Variants in DPP10 observed in about 807,000 individuals in gnomAD.
The protein encoded by DPP10 is inactive dipeptidyl peptidase 10.
DPP10 carries 33 observed loss-of-function variants against 120.9 expected under a neutral mutation model. The ratio of observed to expected loss-of-function variants is 0.27; its 90% CI spans 0.21 to 0.37. DPP10 has a LOEUF of 0.37. Ranked by LOEUF, DPP10 falls within the 10% of genes least tolerant of loss-of-function variation. DPP10 has a pLI of 1.00. For synonymous variants in DPP10, 337 were observed against 326.1 expected (o/e 1.03, Z -0.36); for missense variants, 816 against 942.8 (o/e 0.87, Z 1.76).
chr2:115,554,483 A>T (rs12471022), intron 5 of DPP10, among the ~76,000 whole-genome samples: 2,301 of 152,186 alleles, frequency 0.015, 103 homozygotes, highest in Admixed American at 0.096. Context: ...GGGTAGATGC[A>T]CTAAATAAAT....
At chr2:115,372,867 C>G (rs1164309468) in intron 3 of DPP10, among the ~76,000 whole-genome samples, 1 of 152,098 alleles carries the variant, frequency 6.6e-6, no homozygotes, top group East Asian at 1.9e-4. Context: ...TGACTTTATG[C>G]CAATTATTTA....
chr2:115,842,282 C>A lies in DPP10; in HGVS notation c.2328C>A (p.Phe776Leu), dbSNP rs140093297. The change falls in exon 26 of 26, where the codon TTC becomes TTA. Residue 776 changes from phenylalanine to leucine, a missense_variant. Coordinates refer to ENST00000410059, the MANE Select transcript of DPP10 (RefSeq NM_020868.6). Reference protein sequence around the residue: ...KYHLYSTILKFFSDCLKEEIS... With the variant: ...KYHLYSTILKLFSDCLKEEIS... ...ATCTCTACAGCACAATCCTCAAATT[C>A]TTCAGTGATTGTTTGAAGGAAGAAA... The A allele has an allele frequency of 3.7e-6, 6 of 1,613,834 alleles. No homozygotes were observed. In the African/African-American group the frequency reaches 6.7e-5, roughly 18 times the overall value.
intron 2 of DPP10, among the ~76,000 whole-genome samples, chr2:115,340,178 T>C (rs1312465487): frequency 1.3e-5 from 2 of 152,164 alleles, no homozygotes; most frequent in East Asian, 3.8e-4. Context: ...GTAATATGTT[T>C]ACAGATGCTA....
chr2:114,519,518 C>T (rs868172716), intron 1 of DPP10, among the ~76,000 whole-genome samples: 1 of 152,226 alleles, frequency 6.6e-6, no homozygotes, highest in Non-Finnish European at 1.5e-5. Flanking sequence ...ATTTCCAGTC[C>T]TGCACACCCT....
rs371946105 is a variant in DPP10 at position 115,272,931 on chromosome 2, A to G, written c.61-36308A>G. Among the ~76,000 whole-genome samples, 19 of 152,344 alleles carry G rather than the reference A, an allele frequency of 1.2e-4. No individual in the cohort carries two copies. In the East Asian group the frequency reaches 2.1e-3, roughly 17 times the overall value. On this transcript the variant is annotated intron_variant, in intron 1 of 25. Coordinates refer to ENST00000410059, the MANE Select transcript of DPP10 (RefSeq NM_020868.6). The stretch of plus-strand genomic sequence containing the variant: ...GCTTCATAATCCAAACATTACTTCA[A>G]TCAGATGTGAAGAGTGGGTTTGCTG...
intron 5 of DPP10, among the ~76,000 whole-genome samples, chr2:115,541,020 A>G (rs934898940): frequency 2.6e-5 from 4 of 151,864 alleles, no homozygotes; most frequent in Admixed American, 2.0e-4. Flanking sequence ...TATTGAAGGG[A>G]TGCAAAATAC....
chr2:115,254,905 T>C (rs1307629170), intron 1 of DPP10, among the ~76,000 whole-genome samples: 1 of 152,148 alleles, frequency 6.6e-6, no homozygotes, highest in Non-Finnish European at 1.5e-5. Context: ...TCCGGCTGCT[T>C]TCATGGGCTG....
intron 3 of DPP10, among the ~76,000 whole-genome samples, chr2:115,394,004 A>G (rs570956950): frequency 5.9e-5 from 9 of 152,218 alleles, no homozygotes; most frequent in Non-Finnish European, 1.0e-4. Flanking sequence ...GATTGGTGCC[A>G]TGAAGTGAGA....
rs113258623 is a variant in DPP10, at chr2:114,602,932, C to T, written c.60+160094C>T. 9.9e-3 allele frequency among the ~76,000 whole-genome samples: 1,505 copies of T among 152,002 alleles called. 34 individuals carry two copies. Among genetic ancestry groups the T allele is most frequent in the African/African-American group, 0.034 (1,430 of 41,470 alleles). Reference sequence around the variant, plus strand: ...ATTTGAGTTTGGAGTTGATTCAGGTCGAACTTTCAACAGTAATCTGATGTA... The same window carrying T: ...ATTTGAGTTTGGAGTTGATTCAGGTTGAACTTTCAACAGTAATCTGATGTA... On this transcript the variant is annotated intron_variant, in intron 1 of 25. Transcript: ENST00000410059.
chr2:115,071,844 G>A (rs1573505136), intron 1 of DPP10, among the ~76,000 whole-genome samples: 1 of 152,122 alleles, frequency 6.6e-6, no homozygotes, highest in East Asian at 1.9e-4. Flanking sequence ...AATAATCTAG[G>A]CACCTCAAAA....
chr2:115,113,563 G>A (rs1327716692), intron 1 of DPP10, among the ~76,000 whole-genome samples: 1 of 152,110 alleles, frequency 6.6e-6, no homozygotes, highest in African/African-American at 2.4e-5. Flanking sequence ...GATTGAGTAT[G>A]CATTAAATCA....
At chr2:115,790,326 G>A (rs1319613838) in intron 17 of DPP10, among the ~76,000 whole-genome samples, 4 of 151,788 alleles carry the variant, frequency 2.6e-5, no homozygotes, top group Admixed American at 6.6e-5. Flanking sequence ...TGATCCACCC[G>A]CCTCGGCCTC....
At chr2:115,524,108 C>G (rs895465190) in intron 4 of DPP10, among the ~76,000 whole-genome samples, 1 of 152,118 alleles carries the variant, frequency 6.6e-6, no homozygotes, top group African/African-American at 2.4e-5. Flanking sequence ...AAATGATTCT[C>G]TGATACCAAT....
chr2:115,127,091 G>C (rs1327301021), intron 1 of DPP10, among the ~76,000 whole-genome samples: 1 of 152,210 alleles, frequency 6.6e-6, no homozygotes, highest in Admixed American at 6.5e-5. Flanking sequence ...CTCTTGGGCT[G>C]TAAGATTTTC....
intron 1 of DPP10, among the ~76,000 whole-genome samples, chr2:115,221,754 G>GTTTTTTTTTTTTTTTTTT (rs56077672): frequency 6.7e-5 from 8 of 120,148 alleles, no homozygotes; most frequent in South Asian, 2.6e-4. Flanking sequence ...GTTTGTTTCT[G>GTTTTTTTTTTTTTTTTTT]TTTTTTTTTT....
At chr2:115,243,758 G>T (rs903530814) in intron 1 of DPP10, among the ~76,000 whole-genome samples, 31 of 141,202 alleles carry the variant, frequency 2.2e-4, no homozygotes, top group African/African-American at 6.1e-4. Flanking sequence ...CTTCTTGCTG[G>T]TTTTTTTTTA....
At chr2:114,443,020 T>C (rs1255720189) in intron 1 of DPP10, among the ~76,000 whole-genome samples, 182 bp downstream of exon 1, 1 of 152,096 alleles carries the variant, frequency 6.6e-6, no homozygotes, top group Non-Finnish European at 1.5e-5. Context: ...AAAGAATAGT[T>C]TCCACTGAAC....
intron 5 of DPP10, among the ~76,000 whole-genome samples, chr2:115,663,862 G>A (rs928416319): frequency 6.6e-6 from 1 of 151,952 alleles, no homozygotes; most frequent in African/African-American, 2.4e-5. Context: ...GGGTGTGGTG[G>A]CGTGCACCTG....
At chr2:115,553,171 T>A (rs2079981279) in intron 5 of DPP10, among the ~76,000 whole-genome samples, 1 of 152,088 alleles carries the variant, frequency 6.6e-6, no homozygotes, top group Admixed American at 6.6e-5. Context: ...ATATTATTAT[T>A]TTTTATGCAA....
Sources: allele counts gnomAD v4.1 joint callset (sites outside exome capture counted in the v4.1 genomes callset), GRCh38; gene constraint gnomAD v4.1.1; transcripts MANE v1.5; gene names NCBI Gene and HGNC (gene_info 2026-07-23, HGNC 2026-07-21).